Variants in UGCG observed in about 807,000 individuals in gnomAD.
UGCG encodes UDP-glucose ceramide glucosyltransferase, also known as ceramide glucosyltransferase.
Under a neutral mutation model 49.5 loss-of-function variants are expected in UGCG, and 10 were observed. That is an observed-to-expected ratio of 0.20 (90% CI 0.12 to 0.34). UGCG has a LOEUF of 0.34. UGCG is among the 10% of genes least tolerant of loss of function. The pLI is 1.00. For synonymous variants in UGCG, 182 were observed against 158.2 expected, an observed-to-expected ratio of 1.15 and a Z score of -1.13; for missense variants, 312 against 483.7, an observed-to-expected ratio of 0.65 and a Z score of 3.33.
At chr9:111,919,176 T>C (rs1271012660) in intron 2 of UGCG, among the ~76,000 whole-genome samples, 2 of 152,182 alleles carry the variant, frequency 1.3e-5, no homozygotes, top group East Asian at 3.8e-4. Flanking sequence ...CCTTTCATCA[T>C]ATGTACTCAT....
intron 5 of UGCG, among the ~76,000 whole-genome samples, chr9:111,927,455 G>T (rs926915601): frequency 1.5e-4 from 23 of 151,080 alleles, no homozygotes; most frequent in Non-Finnish European, 2.2e-4. Context: ...TGTTTTTTTT[G>T]TTTTGTTTTT....
chr9:111,924,454 A>G (rs1372644366), intron 3 of UGCG, among the ~76,000 whole-genome samples: 1 of 152,160 alleles, frequency 6.6e-6, no homozygotes, highest in Non-Finnish European at 1.5e-5. Flanking sequence ...TTTCAAGTAT[A>G]CCATACATTG....
intron 5 of UGCG, 99 bp downstream of exon 5, chr9:111,926,595 T>A (rs1589528451): frequency 1.1e-6 from 1 of 874,422 alleles, no homozygotes; most frequent in East Asian, 2.7e-5. Context: ...TCAAGTTAAC[T>A]GTATTAAGTC....
rs568216108 is a variant in UGCG, at chr9:111,934,387, C to G, written c.*1390C>G. ...AAAAAAAAAACAAAAATGTAAGGGA[C>G]AGTGCATAAGCCTTTTCTTTGTTAA... On this transcript the variant is annotated 3_prime_UTR_variant, in exon 9 of 9. Coordinates refer to ENST00000374279, the MANE Select transcript of UGCG (RefSeq NM_003358.3). 10 of 151,594 alleles carry G rather than the reference C, an allele frequency of 6.6e-5. No individual in the cohort carries two copies. Among genetic ancestry groups the G allele is most frequent in the African/African-American group, 2.2e-4 (9 of 41,348 alleles). The allele number at this position is 151,594 out of a possible 1,614,324, so 9.4% of individuals were successfully genotyped here.
In UGCG at chr9:111,914,766, TTTTTGTTTTGTTTTG is replaced by T. The variant is rs140717465; in HGVS notation, c.240+33_240+47del. The T allele has an allele frequency of 2.5e-6, 4 of 1,605,950 alleles. No homozygotes were observed. Among genetic ancestry groups the T allele is most frequent in the Admixed American group, 1.7e-5 (1 of 58,938 alleles). On this transcript the variant is annotated intron_variant, in intron 2 of 8. Coordinates refer to ENST00000374279, the MANE Select transcript of UGCG (RefSeq NM_003358.3). ...CCCAAAGTAAGTTCAGTGTTACGGT[TTTTTGTTTTGTTTTG>T]TTTTGTTTTGTTCCCCTCATGATAA...
intron 5 of UGCG, among the ~76,000 whole-genome samples, chr9:111,928,392 CT>C: frequency 6.6e-6 from 1 of 152,174 alleles, no homozygotes; most frequent in Non-Finnish European, 1.5e-5. Flanking sequence ...TCAATAACAT[CT>C]CTGTGATGTG....
chr9:111,898,221 C>T (rs1225435797), intron 1 of UGCG, among the ~76,000 whole-genome samples: 3 of 151,756 alleles, frequency 2.0e-5, no homozygotes, highest in Non-Finnish European at 4.4e-5. Context: ...TGAAATCTGC[C>T]TCTGTAAAGA....
intron 1 of UGCG, among the ~76,000 whole-genome samples, chr9:111,906,848 A>G (rs771703203): frequency 2.6e-5 from 4 of 152,090 alleles, no homozygotes; most frequent in East Asian, 1.9e-4. Context: ...CTTAACTTCT[A>G]TAAATACAAA....
chr9:111,927,633 G>C (rs1244179124), intron 5 of UGCG, among the ~76,000 whole-genome samples: 3 of 151,702 alleles, frequency 2.0e-5, no homozygotes, highest in Non-Finnish European at 4.4e-5. Context: ...TTGTATTTTT[G>C]ATAGAGACAG....
At chr9:111,908,827 A>T (rs947272441) in intron 1 of UGCG, among the ~76,000 whole-genome samples, 1 of 152,250 alleles carries the variant, frequency 6.6e-6, no homozygotes, top group African/African-American at 2.4e-5. Context: ...GTTAGAAACC[A>T]GTAAAACTTG....
At chr9:111,918,199 C>T (rs976744005) in intron 2 of UGCG, among the ~76,000 whole-genome samples, 4 of 151,992 alleles carry the variant, frequency 2.6e-5, no homozygotes, top group East Asian at 1.9e-4. Flanking sequence ...ATGCCACTAC[C>T]GCTGGCTAAT....
chr9:111,914,920 G>A (rs1342565364), intron 2 of UGCG, 174 bp downstream of exon 2: 4 of 903,934 alleles, frequency 4.4e-6, no homozygotes, highest in Non-Finnish European at 1.5e-6. Flanking sequence ...AATAGGTTGA[G>A]GAAGGGGTGT....
chr9:111,929,373 T>C (rs1049238382), intron 5 of UGCG, 127 bp from the exon 6 acceptor site: 2 of 941,480 alleles, frequency 2.1e-6, no homozygotes, highest in East Asian at 2.9e-5. Flanking sequence ...ATTCAGGTAG[T>C]CTACGTAAGA....
intron 2 of UGCG, chr9:111,915,817 C>T (rs964815480): frequency 5.1e-6 from 5 of 984,508 alleles, no homozygotes; most frequent in Non-Finnish European, 6.0e-6. Flanking sequence ...ATGTGATAGC[C>T]TTAATGCAGC....
intron 2 of UGCG, among the ~76,000 whole-genome samples, chr9:111,919,844 C>T (rs1838188681): frequency 6.6e-6 from 1 of 150,910 alleles, no homozygotes; most frequent in African/African-American, 2.4e-5. Flanking sequence ...AAACAAGGAA[C>T]TCTTTAGAGC....
intron 1 of UGCG, among the ~76,000 whole-genome samples, chr9:111,911,862 A>T (rs1838000716): frequency 6.9e-6 from 1 of 143,916 alleles, no homozygotes; most frequent in South Asian, 2.3e-4. Flanking sequence ...TGCCAGCCTG[A>T]GCAACGGAGC....
intron 1 of UGCG, among the ~76,000 whole-genome samples, chr9:111,908,269 G>A (rs1485997971): frequency 1.3e-5 from 2 of 152,182 alleles, no homozygotes; most frequent in Non-Finnish European, 2.9e-5. Context: ...ATACATGATA[G>A]CTAAATGTAA....
chr9:111,923,005 T>C (rs1412674281), intron 3 of UGCG, 54 bp downstream of exon 3: 1 of 1,205,910 alleles, frequency 8.3e-7, no homozygotes. Context: ...TAAGTATCAG[T>C]AATCTCTGCA....
intron 2 of UGCG, among the ~76,000 whole-genome samples, chr9:111,917,885 T>A (rs1238628955): frequency 6.6e-6 from 1 of 152,212 alleles, no homozygotes; most frequent in East Asian, 1.9e-4. Flanking sequence ...GATTAAGCAG[T>A]AGCAGTAATA....
Sources: allele counts gnomAD v4.1 joint callset (sites outside exome capture counted in the v4.1 genomes callset), GRCh38; gene constraint gnomAD v4.1.1; transcripts MANE v1.5; gene names NCBI Gene and HGNC (gene_info 2026-07-23, HGNC 2026-07-21).